The following SOX9 variants were observed in gnomAD, a reference collection of about 807,000 sequenced individuals.
SOX9 encodes SRY-box transcription factor 9, also known as transcription factor SOX-9.
A neutral mutation model predicts 44.8 loss-of-function variants in SOX9; 2 were observed. That is an observed-to-expected ratio of 0.04 (90% CI 0.02 to 0.14). SOX9 has a LOEUF of 0.14. Among genes scored for constraint, SOX9 ranks in the 10% least tolerant of loss-of-function variants. The pLI is 1.00. For synonymous variants in SOX9, 381 were observed against 331.8 expected, an observed-to-expected ratio of 1.15 and a Z score of -1.61; for missense variants, 583 against 728.6, an observed-to-expected ratio of 0.80 and a Z score of 2.30.
rs551133084 is a variant in SOX9, at chr17:72,123,017, C to T, written c.685+45C>T. 6 of 1,603,196 alleles carry T rather than the reference C, an allele frequency of 3.7e-6. No individual in the cohort carries two copies. The highest frequency in any genetic ancestry group is 1.3e-5 in the African/African-American group (1 of 74,976). On this transcript the variant is annotated intron_variant, in intron 2 of 2. Coordinates refer to ENST00000245479, the MANE Select transcript of SOX9 (RefSeq NM_000346.4). The surrounding 1 kb of genome is among the most constrained non-coding windows in gnomAD (Gnocchi z 6.5). Reference sequence around the variant, plus strand: ...CACCGGACAAGCTATCTCCGTCCCGCCTGGCACACCCCCTGCCCTCCGCCT... The same window carrying T: ...CACCGGACAAGCTATCTCCGTCCCGTCTGGCACACCCCCTGCCCTCCGCCT...
In SOX9 at chr17:72,123,353, G is replaced by T. The variant is rs917259622; in HGVS notation, c.686-190G>T. Among the ~76,000 whole-genome samples, 3 of 152,316 alleles carry T rather than the reference G, an allele frequency of 2.0e-5. No individual in the cohort carries two copies. In the South Asian group the frequency reaches 6.2e-4, roughly 32 times the overall value. On this transcript the variant is annotated intron_variant, in intron 2 of 2. Transcript: ENST00000245479. The surrounding 1 kb of genome is among the most constrained non-coding windows in gnomAD (Gnocchi z 6.5). Reference sequence around the variant, plus strand: ...GGCCCCAGACCCTCCCCTGATAAAAGGGGGCTGTCCAGTGTGTACCGGCGG... The same window carrying T: ...GGCCCCAGACCCTCCCCTGATAAAATGGGGCTGTCCAGTGTGTACCGGCGG...
chr17:72,124,394 C>G lies in SOX9; in HGVS notation c.*7C>G, dbSNP rs913478460. 6.2e-7 allele frequency: 1 copy of G among 1,600,030 alleles called. No individual in the cohort carries two copies. ...ACAGCTCACTCGACCTTGAGGAGGC[C>G]TCCCACGAAGGGCGAAGATGGCCGA... On this transcript the variant is annotated 3_prime_UTR_variant, in exon 3 of 3. Coordinates refer to ENST00000245479, the MANE Select transcript of SOX9 (RefSeq NM_000346.4). The surrounding 1 kb of genome is among the most constrained non-coding windows in gnomAD (Gnocchi z 4.6).
chr17:72,123,879 C>T lies in SOX9; in HGVS notation c.1022C>T (p.Ala341Val), dbSNP rs1253122988. ...CACGTGTGGATGTCCAAGCAGCAGG[C>T]GCCGCCGCCACCCCCGCAGCAGCCC... ...AGHVWMSKQQ[A>V]PPPPPQQPPQ... The change falls in exon 3 of 3, where the codon GCG becomes GTG. Residue 341 changes from alanine (A) to valine (V), a missense_variant. By Grantham distance (64) the Ala-to-Val change is moderately conservative. This residue lies in a region of SOX9 where 349 missense variants were observed against 387.0 expected (regional missense o/e 0.90). Coordinates refer to ENST00000245479, the MANE Select transcript of SOX9 (RefSeq NM_000346.4). This position sits in a 1 kb window ranked among gnomAD's most constrained non-coding sequence, Gnocchi z 6.5. 7 of 1,509,942 alleles carry T rather than the reference C, an allele frequency of 4.6e-6. No homozygotes were observed. The highest frequency in any genetic ancestry group is 6.2e-6 in the Non-Finnish European group (7 of 1,130,750). The allele number at this position is 1,509,942 out of a possible 1,614,324, so 93.5% of individuals were successfully genotyped here.
At position 72,121,865 on chromosome 17, in the gene SOX9, C is replaced by T. The variant is rs2143241653; in HGVS notation, c.431+43C>T. On this transcript the variant is annotated intron_variant, in intron 1 of 2. Transcript: ENST00000245479. This position sits in a 1 kb window ranked among gnomAD's most constrained non-coding sequence, Gnocchi z 8.3. ...CGGCGCGGCAGGGTGGGCATCGCGG[C>T]GGCTGGGGGCGCTGGTCAGGGCTGA... 6.7e-7 allele frequency: 1 copy of T among 1,501,016 alleles called. No individual in the cohort carries two copies. Among genetic ancestry groups the T allele is most frequent in the Non-Finnish European group, 8.9e-7 (1 of 1,125,296 alleles). The allele number at this position is 1,501,016 out of a possible 1,614,324, so 93.0% of individuals were successfully genotyped here.
In SOX9 at chr17:72,124,781, G is replaced by A. The variant is rs1428372258; in HGVS notation, c.*394G>A. On this transcript the variant is annotated 3_prime_UTR_variant, in exon 3 of 3. Coordinates refer to ENST00000245479, the MANE Select transcript of SOX9 (RefSeq NM_000346.4). This position sits in a 1 kb window ranked among gnomAD's most constrained non-coding sequence, Gnocchi z 4.6. ...GGACTTTGTAATTATTTTTTTAGCA[G>A]TAATTAAAGAAAAAAGTCCTCTGTG... 5.4e-6 allele frequency: 2 copies of A among 370,474 alleles called. No individual in the cohort carries two copies. The highest frequency in any genetic ancestry group is 4.5e-5 in the East Asian group (1 of 22,368). 22.9% of individuals were successfully genotyped at this position (370,474 alleles called of 1,614,324 possible).
Position 72,126,086 on chromosome 17 carries a change from C to CTT in SOX9, c.*1708_*1709dup. ...ATTGCTTTTTAAAAAAGACAGCAAA[C>CTT]TTTTTTTTTTATTTAAAAAAAGATA... On this transcript the variant is annotated 3_prime_UTR_variant, in exon 3 of 3. Coordinates refer to ENST00000245479, the MANE Select transcript of SOX9 (RefSeq NM_000346.4). 4.5e-6 allele frequency: 1 copy of CTT among 222,112 alleles called. No homozygotes were observed. The highest frequency in any genetic ancestry group is 8.9e-6 in the Non-Finnish European group (1 of 111,882). 13.8% of individuals were successfully genotyped at this position (222,112 alleles called of 1,614,324 possible).
In SOX9 at chr17:72,126,087, T is replaced by C. The variant is rs1908275320; in HGVS notation, c.*1700T>C. ...TTGCTTTTTAAAAAAGACAGCAAACTTTTTTTTTTATTTAAAAAAAGATAT... is the reference window on the plus strand; with the variant it reads ...TTGCTTTTTAAAAAAGACAGCAAACCTTTTTTTTTATTTAAAAAAAGATAT... On this transcript the variant is annotated 3_prime_UTR_variant, in exon 3 of 3. Coordinates refer to ENST00000245479, the MANE Select transcript of SOX9 (RefSeq NM_000346.4). 1.4e-5 allele frequency: 3 copies of C among 212,334 alleles called. No homozygotes were observed. The highest frequency in any genetic ancestry group is 2.8e-5 in the Non-Finnish European group (3 of 105,524). 13.2% of individuals were successfully genotyped at this position (212,334 alleles called of 1,614,324 possible). A position where few individuals can be genotyped will look rare whatever the true frequency, so the allele number is the denominator to read the frequency against.
At position 72,123,025 on chromosome 17, in the gene SOX9, A is replaced by AC; in HGVS notation, c.685+58dup. Reference sequence around the variant, plus strand: ...AAGCTATCTCCGTCCCGCCTGGCACACCCCCTGCCCTCCGCCTGGGAGATT... The same window carrying AC: ...AAGCTATCTCCGTCCCGCCTGGCACACCCCCCTGCCCTCCGCCTGGGAGATT... On this transcript the variant is annotated intron_variant, in intron 2 of 2. Coordinates refer to ENST00000245479, the MANE Select transcript of SOX9 (RefSeq NM_000346.4). This position sits in a 1 kb window ranked among gnomAD's most constrained non-coding sequence, Gnocchi z 6.5. The AC allele has an allele frequency of 6.3e-7, 1 of 1,598,336 alleles. No homozygotes were observed. The highest frequency in any genetic ancestry group is 8.5e-7 in the Non-Finnish European group (1 of 1,175,094).
intron 1 of SOX9, among the ~76,000 whole-genome samples, 200 bp downstream of exon 1, chr17:72,122,022 G>T (rs535805163): frequency 1.1e-4 from 16 of 152,366 alleles, no homozygotes; most frequent in African/African-American, 3.4e-4. Flanking sequence ...GCGGGGACGC[G>T]GAGGAGGGGG....
At position 72,123,358 on chromosome 17, in the gene SOX9, C is replaced by T. The variant is rs1598176287; in HGVS notation, c.686-185C>T. Among the ~76,000 whole-genome samples the T allele has an allele frequency of 6.6e-6, 1 of 152,228 alleles. No homozygotes were observed. The highest frequency in any genetic ancestry group is 2.4e-5 in the African/African-American group (1 of 41,472). On this transcript the variant is annotated intron_variant, in intron 2 of 2. Transcript: ENST00000245479. The surrounding 1 kb of genome is among the most constrained non-coding windows in gnomAD (Gnocchi z 6.5). The stretch of plus-strand genomic sequence containing the variant: ...CAGACCCTCCCCTGATAAAAGGGGG[C>T]TGTCCAGTGTGTACCGGCGGGTTAA...
At position 72,125,028 on chromosome 17, in the gene SOX9, T is replaced by C. The variant is rs1908240020; in HGVS notation, c.*641T>C. ...AAAAGAAAAAAAAAATCCTGTTGTA[T>C]TAACATTTAAAAACAGAATTGTGTT... On this transcript the variant is annotated 3_prime_UTR_variant, in exon 3 of 3. Coordinates refer to ENST00000245479, the MANE Select transcript of SOX9 (RefSeq NM_000346.4). The C allele has an allele frequency of 4.4e-6, 1 of 226,614 alleles. No homozygotes were observed. The highest frequency in any genetic ancestry group is 6.5e-5 in the East Asian group (1 of 15,342). The allele number at this position is 226,614 out of a possible 1,614,324, so 14.0% of individuals were successfully genotyped here.
In SOX9 at chr17:72,123,066, A is replaced by G. The variant is rs879067705; in HGVS notation, c.685+94A>G. The stretch of plus-strand genomic sequence containing the variant: ...CTGGGAGATTCTTCGTGGGGACTTT[A>G]TGCTTCCCGGGAGGGACACACTGCC... On this transcript the variant is annotated intron_variant, in intron 2 of 2. Coordinates refer to ENST00000245479, the MANE Select transcript of SOX9 (RefSeq NM_000346.4). The surrounding 1 kb of genome is among the most constrained non-coding windows in gnomAD (Gnocchi z 6.5). 6.6e-7 allele frequency: 1 copy of G among 1,513,292 alleles called. No homozygotes were observed. The highest frequency in any genetic ancestry group is 9.0e-7 in the Non-Finnish European group (1 of 1,108,898). The allele number at this position is 1,513,292 out of a possible 1,614,324, so 93.7% of individuals were successfully genotyped here.
In SOX9 at chr17:72,124,109, A is replaced by G. The variant is rs2143255981; in HGVS notation, c.1252A>G (p.Ile418Val). The change falls in exon 3 of 3, where the codon ATC (isoleucine) becomes GTC (valine). Residue 418 changes from isoleucine (I) to valine (V), a missense_variant. Around this residue, in one of 7 missense-constraint regions of SOX9, gnomAD observed 349 missense variants for 387.0 expected, o/e 0.90. Transcript: ENST00000245479. The surrounding 1 kb of genome is among the most constrained non-coding windows in gnomAD (Gnocchi z 4.6). ...GCAGCAGCAGCACTCGCCCCAACAG[A>G]TCGCCTACAGCCCCTTCAACCTCCC... ...SEQQQHSPQQ[I>V]AYSPFNLPHY... 6.2e-7 allele frequency: 1 copy of G among 1,613,620 alleles called. No homozygotes were observed. The highest frequency in any genetic ancestry group is 1.1e-5 in the South Asian group (1 of 91,058).
Position 72,124,251 on chromosome 17 carries a change from C to T in SOX9, c.1394C>T (p.Thr465Ile), listed in dbSNP as rs2143257582. 1.2e-6 allele frequency: 2 copies of T among 1,613,644 alleles called. No individual in the cohort carries two copies. Among genetic ancestry groups the T allele is most frequent in the Non-Finnish European group, 1.7e-6 (2 of 1,180,026 alleles). Residue 465 changes from threonine (T) to isoleucine (I), a missense_variant, in exon 3 of 3, where the codon ACC becomes ATC. This residue lies in a region of SOX9 where 349 missense variants were observed against 387.0 expected (regional missense o/e 0.90). Transcript: ENST00000245479. The surrounding 1 kb of genome is among the most constrained non-coding windows in gnomAD (Gnocchi z 4.6). ...AAGQGTGLYS[T>I]FTYMNPAQRP... The stretch of plus-strand genomic sequence containing the variant: ...GGCCAGGGCACCGGCCTCTACTCCA[C>T]CTTCACCTACATGAACCCCGCTCAG...
In SOX9 at chr17:72,123,970, G is replaced by A. The variant is rs929651; in HGVS notation, c.1113G>A (p.Ala371=). ...QPQAAPPQQP[A]APPQQPQAHT... is the part of the protein sequence containing the mutation. ...AGGCGGCGCCCCCACAGCAGCCGGC[G>A]GCACCCCCGCAGCAGCCACAGGCGC... is the stretch of plus-strand genomic sequence containing the variant. Residue 371 remains alanine (A), a synonymous_variant, in exon 3 of 3, where the codon GCG becomes GCA. Transcript: ENST00000245479. This position sits in a 1 kb window ranked among gnomAD's most constrained non-coding sequence, Gnocchi z 6.5. The A allele has an allele frequency of 0.025, 36,113 of 1,467,744 alleles. 725 individuals carry two copies. The highest frequency in any genetic ancestry group is 0.1 in the Admixed American group (4,811 of 47,086). The allele number at this position is 1,467,744 out of a possible 1,614,324, so 90.9% of individuals were successfully genotyped here. A position where few individuals can be genotyped will look rare whatever the true frequency, so the allele number is the denominator to read the frequency against.
rs886053349 is a variant in SOX9, at chr17:72,121,189, C to A, written c.-203C>A. On this transcript the variant is annotated 5_prime_UTR_variant, in exon 1 of 3. Coordinates refer to ENST00000245479, the MANE Select transcript of SOX9 (RefSeq NM_000346.4). This position sits in a 1 kb window ranked among gnomAD's most constrained non-coding sequence, Gnocchi z 8.3. Reference sequence around the variant, plus strand: ...TCCTCCTCTCCAATTCGCCTCCCCCCACTTGGAGCGGGCAGCTGTGAACTG... The same window carrying A: ...TCCTCCTCTCCAATTCGCCTCCCCCAACTTGGAGCGGGCAGCTGTGAACTG... 8.5e-6 allele frequency: 5 copies of A among 591,530 alleles called. No homozygotes were observed. The highest frequency in any genetic ancestry group is 1.5e-5 in the Non-Finnish European group (5 of 335,324). 36.6% of individuals were successfully genotyped at this position (591,530 alleles called of 1,614,324 possible).
Position 72,125,477 on chromosome 17 carries a change from G to A in SOX9, c.*1090G>A, listed in dbSNP as rs578106770. The A allele has an allele frequency of 4.4e-6, 1 of 225,680 alleles. No homozygotes were observed. The highest frequency in any genetic ancestry group is 2.2e-5 in the African/African-American group (1 of 44,846). The allele number at this position is 225,680 out of a possible 1,614,324, so 14.0% of individuals were successfully genotyped here. On this transcript the variant is annotated 3_prime_UTR_variant, in exon 3 of 3. Coordinates refer to ENST00000245479, the MANE Select transcript of SOX9 (RefSeq NM_000346.4). ...ACCTGTGCCTCTCAGAACACCAGCA[G>A]TTAACCTTCAAGACATTCCACTTGC...
intron 1 of SOX9, 128 bp from the exon 2 acceptor site, chr17:72,122,591 T>C: frequency 1.3e-6 from 1 of 755,016 alleles, no homozygotes; most frequent in Non-Finnish European, 2.3e-6. Context: ...GGAGGGAAGA[T>C]GGAGTTGTGT....
Position 72,124,051 on chromosome 17 carries a change from G to C in SOX9, c.1194G>C (p.Lys398Asn), listed in dbSNP as rs2143255342. The change falls in exon 3 of 3, where the codon AAG (lysine) becomes AAC (asparagine). Residue 398 changes from lysine to asparagine, a missense_variant. Lys to Asn is a moderately conservative substitution (Grantham distance 94, BLOSUM62 0). Transcript: ENST00000245479. This position sits in a 1 kb window ranked among gnomAD's most constrained non-coding sequence, Gnocchi z 4.6. ...GCCAGTCCCAGCGAACGCACATCAA[G>C]ACGGAGCAGCTGAGCCCCAGCCACT... ...EPGQSQRTHI[K>N]TEQLSPSHYS... 1 of 1,612,782 alleles carries C rather than the reference G, an allele frequency of 6.2e-7. No homozygotes were observed. The highest frequency in any genetic ancestry group is 8.5e-7 in the Non-Finnish European group (1 of 1,179,526).
Sources: allele counts gnomAD v4.1 joint callset (sites outside exome capture counted in the v4.1 genomes callset), GRCh38; gene constraint gnomAD v4.1.1; regional missense constraint gnomAD v4.1.1; non-coding constraint Gnocchi (gnomAD v3.1); transcripts MANE v1.5; gene names NCBI Gene and HGNC (gene_info 2026-07-23, HGNC 2026-07-21).